Variants in STK32B observed in about 807,000 individuals in gnomAD.
STK32B encodes serine/threonine kinase 32B.
STK32B carries 43 observed loss-of-function variants against 52.6 expected under a neutral mutation model. The ratio of observed to expected loss-of-function variants is 0.82; its 90% CI spans 0.64 to 1.05. The LOEUF is 1.05. STK32B is among the 50% of genes least tolerant of loss of function. The pLI, the probability that STK32B is intolerant of heterozygous loss-of-function variation, is 0.00. For synonymous variants in STK32B, 238 were observed against 204.3 expected (o/e 1.17, Z -1.41); for missense variants, 621 against 534.6 (o/e 1.16, Z -1.59).
At chr4:5,133,203 C>T (rs771701601) in intron 1 of STK32B, among the ~76,000 whole-genome samples, 7 of 152,170 alleles carry the variant, frequency 4.6e-5, no homozygotes, top group East Asian at 1.9e-4. Flanking sequence ...TGTTGGTTCC[C>T]GGTACGTAGT....
intron 3 of STK32B, among the ~76,000 whole-genome samples, chr4:5,230,400 G>C (rs1048066364): frequency 1.3e-5 from 2 of 151,728 alleles, no homozygotes; most frequent in Non-Finnish European, 2.9e-5. Context: ...ATATTAGCCA[G>C]GCTGGTATCG....
At chr4:5,326,299 A>G (rs1015376912) in intron 3 of STK32B, among the ~76,000 whole-genome samples, 3 of 152,192 alleles carry the variant, frequency 2.0e-5, no homozygotes, top group African/African-American at 7.2e-5. Flanking sequence ...TGGGGCATCT[A>G]TATTCTTCTA....
At chr4:5,449,895 C>A (rs1197163579) in intron 7 of STK32B, among the ~76,000 whole-genome samples, 2 of 152,118 alleles carry the variant, frequency 1.3e-5, no homozygotes, top group African/African-American at 4.8e-5. Context: ...CAGCTCAGGG[C>A]TCCCACTGAT....
chr4:5,228,361 A>T (rs546348708), intron 3 of STK32B, among the ~76,000 whole-genome samples: 2 of 152,204 alleles, frequency 1.3e-5, no homozygotes, highest in Admixed American at 6.5e-5. Context: ...GAAACTGGCC[A>T]TGCTGCAATT....
At chr4:5,241,540 G>A (rs1306289273) in intron 3 of STK32B, among the ~76,000 whole-genome samples, 1 of 151,796 alleles carries the variant, frequency 6.6e-6, no homozygotes, top group African/African-American at 2.4e-5. Context: ...TAGGTCTGTG[G>A]TTATAAATTA....
chr4:5,319,988 G>A (rs1731380700), intron 3 of STK32B, among the ~76,000 whole-genome samples: 1 of 152,162 alleles, frequency 6.6e-6, no homozygotes, highest in South Asian at 2.1e-4. Flanking sequence ...AGCTGCAAGG[G>A]AGTCTGTGAA....
At chr4:5,099,005 A>G (rs1008162988) in intron 1 of STK32B, among the ~76,000 whole-genome samples, 2 of 152,176 alleles carry the variant, frequency 1.3e-5, no homozygotes, top group African/African-American at 4.8e-5. Flanking sequence ...TGGAGGTCAG[A>G]TGTCTACAGT....
chr4:5,178,344 C>A (rs1024707370), intron 3 of STK32B, among the ~76,000 whole-genome samples: 1 of 152,190 alleles, frequency 6.6e-6, no homozygotes, highest in Non-Finnish European at 1.5e-5. Context: ...CACCAGCTTT[C>A]AAGACTGCAC....
intron 3 of STK32B, among the ~76,000 whole-genome samples, chr4:5,293,617 C>T (rs1729020459): frequency 6.6e-6 from 1 of 152,046 alleles, no homozygotes; most frequent in African/African-American, 2.4e-5. Context: ...TGTCCTTTGC[C>T]CACTTTTTGA....
At chr4:5,377,313 C>A (rs1003089373) in intron 4 of STK32B, among the ~76,000 whole-genome samples, 1 of 152,138 alleles carries the variant, frequency 6.6e-6, no homozygotes, top group Admixed American at 6.5e-5. Context: ...TAAGAACTTA[C>A]CTTCAAAGGG....
intron 3 of STK32B, among the ~76,000 whole-genome samples, chr4:5,308,020 G>T (rs1730043496): frequency 6.6e-6 from 1 of 152,194 alleles, no homozygotes; most frequent in Admixed American, 6.6e-5. Context: ...ACCTACTCCA[G>T]TGGAGGTAGC....
In STK32B at chr4:5,470,987, G is replaced by A. The variant is rs1398717701; in HGVS notation, c.1106+2917G>A. Among the ~76,000 whole-genome samples the A allele has an allele frequency of 6.6e-6, 1 of 152,182 alleles. No homozygotes were observed. Among genetic ancestry groups the A allele is most frequent in the African/African-American group, 2.4e-5 (1 of 41,442 alleles). ...CACGTCCCCGGTCCCCAGCAGTTCC[G>A]CCTCCTTTCAATCTCTGCAGACCTG... On this transcript the variant is annotated intron_variant, in intron 11 of 11. Coordinates refer to ENST00000282908, the MANE Select transcript of STK32B (RefSeq NM_018401.3). This position sits in a 1 kb window ranked among gnomAD's most constrained non-coding sequence, Gnocchi z 4.6.
chr4:5,309,583 T>G (rs1296736726), intron 3 of STK32B, among the ~76,000 whole-genome samples: 2 of 152,112 alleles, frequency 1.3e-5, no homozygotes, highest in Non-Finnish European at 2.9e-5. Context: ...AATCCACATA[T>G]TTACAACCAA....
chr4:5,283,892 CA>C (rs201644927), intron 3 of STK32B, among the ~76,000 whole-genome samples: 1 of 150,136 alleles, frequency 6.7e-6, no homozygotes, highest in African/African-American at 2.4e-5. Context: ...AAAAACAAAC[CA>C]AAAAAAATGA....
intron 2 of STK32B, among the ~76,000 whole-genome samples, chr4:5,143,123 CT>C (rs1716622390): frequency 6.7e-6 from 1 of 149,732 alleles, no homozygotes; most frequent in South Asian, 2.2e-4. Context: ...GTCTGTCTGT[CT>C]GTCTGTCTAT....
chr4:5,210,653 C>T (rs1458648382), intron 3 of STK32B, among the ~76,000 whole-genome samples: 1 of 152,100 alleles, frequency 6.6e-6, no homozygotes, highest in Non-Finnish European at 1.5e-5. Flanking sequence ...GAGCCCTGCC[C>T]TAGAGAAGGC....
rs1197877399 is a variant in STK32B at position 5,051,884 on chromosome 4, C to G, written c.21C>G (p.His7Gln). The G allele has an allele frequency of 3.1e-6, 5 of 1,600,542 alleles. No homozygotes were observed. The highest frequency in any genetic ancestry group is 2.7e-5 in the African/African-American group (2 of 74,384). ...GGAATATGGGCGGGAACCACTCCCA[C>G]AAGCCCCCCGTGTTTGACGAGAATG... MGGNHSHKPPVFDENEE... is the reference protein window; with the variant it reads MGGNHSQKPPVFDENEE... The change falls in exon 1 of 12, where the codon CAC (histidine) becomes CAG (glutamine). Residue 7 changes from histidine (H) to glutamine (Q), a missense_variant. Physicochemically the swap from His to Gln is conservative, Grantham distance 24. Coordinates refer to ENST00000282908, the MANE Select transcript of STK32B (RefSeq NM_018401.3).
intron 1 of STK32B, among the ~76,000 whole-genome samples, chr4:5,102,928 TC>T (rs1713904785): frequency 1.1e-5 from 1 of 89,328 alleles, no homozygotes; most frequent in African/African-American, 4.3e-5. Context: ...TCCCTTCTCC[TC>T]CCCTCCCCCC....
intron 3 of STK32B, among the ~76,000 whole-genome samples, chr4:5,239,349 G>A (rs1236910317): frequency 6.6e-6 from 1 of 152,154 alleles, no homozygotes; most frequent in African/African-American, 2.4e-5. Flanking sequence ...GGGAAGCCAA[G>A]CAGTCAATAG....
Sources: allele counts gnomAD v4.1 joint callset (sites outside exome capture counted in the v4.1 genomes callset), GRCh38; gene constraint gnomAD v4.1.1; non-coding constraint Gnocchi (gnomAD v3.1); transcripts MANE v1.5; gene names NCBI Gene and HGNC (gene_info 2026-07-23, HGNC 2026-07-21).